Variants in KATNAL2 observed in about 807,000 individuals in gnomAD.
KATNAL2 encodes katanin p60 ATPase-containing subunit A-like 2.
Under a neutral mutation model 76.3 loss-of-function variants are expected in KATNAL2, and 52 were observed. The observed-to-expected ratio is 0.68, with a 90% confidence interval of 0.55 to 0.86. KATNAL2 has a LOEUF of 0.86. Among genes scored for constraint, KATNAL2 ranks in the 40% least tolerant of loss-of-function variants. KATNAL2 has a pLI of 0.00. For synonymous variants in KATNAL2, 243 were observed against 244.2 expected, an observed-to-expected ratio of 1.00 and a Z score of 0.05; for missense variants, 660 against 668.9, an observed-to-expected ratio of 0.99 and a Z score of 0.15.
intron 1 of KATNAL2, among the ~76,000 whole-genome samples, chr18:46,934,124 T>C (rs555280129): frequency 1.6e-4 from 25 of 152,172 alleles, no homozygotes; most frequent in African/African-American, 5.8e-4. Flanking sequence ...GCGTGTGTCT[T>C]TATAGCAGCA....
intron 1 of KATNAL2, among the ~76,000 whole-genome samples, chr18:46,921,376 T>C (rs1489566283): frequency 3.9e-5 from 6 of 152,328 alleles, no homozygotes; most frequent in South Asian, 2.1e-4. Context: ...TCCACCTGCC[T>C]TGGCCTCCCA....
rs1178849033 is a variant in KATNAL2, at chr18:47,040,856, C to T, written c.52-5601C>T. Among the ~76,000 whole-genome samples the T allele has an allele frequency of 3.9e-5, 6 of 152,184 alleles. No individual in the cohort carries two copies. The East Asian group carries it at 5.8e-4, about 15-fold the overall frequency. ...TATGCATTGTACCAGTTTTCTACCA[C>T]GATTATTTTTGTAAATGCAGCTTGG... On this transcript the variant is annotated intron_variant, in intron 3 of 17. Coordinates refer to ENST00000683218, the MANE Select transcript of KATNAL2 (RefSeq NM_001387690.1).
chr18:46,934,086 T>C (rs1302468294), intron 1 of KATNAL2, among the ~76,000 whole-genome samples: 1 of 152,058 alleles, frequency 6.6e-6, no homozygotes, highest in Non-Finnish European at 1.5e-5. Context: ...TTTGCTATTG[T>C]GAATAGTGCC....
At chr18:47,057,438 G>C (rs980147885) in intron 6 of KATNAL2, among the ~76,000 whole-genome samples, 11 of 152,050 alleles carry the variant, frequency 7.2e-5, no homozygotes, top group Non-Finnish European at 1.5e-4. Flanking sequence ...TCTTTCTATG[G>C]ATATATAACA....
At chr18:47,054,845 C>T (rs1479835923) in intron 6 of KATNAL2, among the ~76,000 whole-genome samples, 2 of 152,220 alleles carry the variant, frequency 1.3e-5, no homozygotes, top group African/African-American at 4.8e-5. Flanking sequence ...TAGTTAATTT[C>T]AAGCACTCCC....
At chr18:46,953,633 G>A (rs2059633861) in intron 3 of KATNAL2, among the ~76,000 whole-genome samples, 1 of 152,130 alleles carries the variant, frequency 6.6e-6, no homozygotes, top group Non-Finnish European at 1.5e-5. Context: ...GACAAGTGCT[G>A]GTGGTCTCAG....
chr18:47,035,171 G>A, intron 3 of KATNAL2: 7 of 1,612,238 alleles, frequency 4.3e-6, no homozygotes, highest in Non-Finnish European at 5.9e-6. Flanking sequence ...GAGAGTTTCT[G>A]CAAATATTTC....
intron 7 of KATNAL2, 121 bp downstream of exon 7, chr18:47,058,473 A>G: frequency 1.6e-6 from 1 of 623,258 alleles, no homozygotes; most frequent in Non-Finnish European, 2.9e-6. Context: ...GTGTGATCTA[A>G]TTGAATTTTA....
At chr18:47,031,337 G>T (rs571626509) in intron 3 of KATNAL2, among the ~76,000 whole-genome samples, 47 of 151,944 alleles carry the variant, frequency 3.1e-4, no homozygotes, top group Admixed American at 2.5e-3. Flanking sequence ...AAATATGTAT[G>T]TTTTCGGCTT....
intron 1 of KATNAL2, among the ~76,000 whole-genome samples, chr18:46,928,822 G>A (rs1454550288): frequency 6.6e-6 from 1 of 152,098 alleles, no homozygotes; most frequent in Non-Finnish European, 1.5e-5. Context: ...TTGAGACAGA[G>A]TCTCACTCTG....
At chr18:47,049,475 C>T (rs997621017) in intron 4 of KATNAL2, among the ~76,000 whole-genome samples, 1 of 152,170 alleles carries the variant, frequency 6.6e-6, no homozygotes, top group Admixed American at 6.5e-5. Flanking sequence ...TAAAATACCT[C>T]AAGGTGCTTT....
At chr18:47,061,206 T>C (rs931497328) in intron 8 of KATNAL2, among the ~76,000 whole-genome samples, 4 of 152,224 alleles carry the variant, frequency 2.6e-5, no homozygotes, top group African/African-American at 9.6e-5. Context: ...TATAAAGGAA[T>C]ACCTGAGGCT....
chr18:47,035,257 G>A (rs2060714548), intron 3 of KATNAL2: 2 of 1,612,740 alleles, frequency 1.2e-6, no homozygotes, highest in South Asian at 1.1e-5. Context: ...AGTGGACCCT[G>A]CCGCCATCTC....
At chr18:47,047,439 A>G (rs1163051416) in intron 4 of KATNAL2, among the ~76,000 whole-genome samples, 1 of 152,036 alleles carries the variant, frequency 6.6e-6, no homozygotes, top group Non-Finnish European at 1.5e-5. Flanking sequence ...AACGTATTGC[A>G]TTTACTTGGA....
chr18:46,927,325 A>T (rs2058758940), intron 1 of KATNAL2, among the ~76,000 whole-genome samples: 1 of 152,038 alleles, frequency 6.6e-6, no homozygotes, highest in African/African-American at 2.4e-5. Flanking sequence ...AAAGTATTTT[A>T]TTTCTCCTTC....
At chr18:46,935,039 A>G (rs2059046524) in intron 1 of KATNAL2, among the ~76,000 whole-genome samples, 1 of 152,224 alleles carries the variant, frequency 6.6e-6, no homozygotes, top group African/African-American at 2.4e-5. Context: ...TTAGCAGACC[A>G]TACATGGAAA....
intron 6 of KATNAL2, 85 bp downstream of exon 6, chr18:47,054,523 T>G: frequency 4.6e-6 from 6 of 1,313,518 alleles, no homozygotes; most frequent in African/African-American, 1.5e-5. Context: ...ATCACAGCTC[T>G]GTGACTGTCT....
At chr18:46,956,146 AT>A (rs1264379406) in intron 3 of KATNAL2, among the ~76,000 whole-genome samples, 17 of 152,294 alleles carry the variant, frequency 1.1e-4, no homozygotes, top group African/African-American at 3.8e-4. Context: ...TTCTTTGGAT[AT>A]TGTAGGGTCT....
chr18:46,925,721 T>C (rs1239091245), intron 1 of KATNAL2, among the ~76,000 whole-genome samples: 2 of 152,190 alleles, frequency 1.3e-5, no homozygotes, highest in East Asian at 1.9e-4. Context: ...CCTGGACTTT[T>C]TTTTGGTTGT....
Sources: allele counts gnomAD v4.1 joint callset (sites outside exome capture counted in the v4.1 genomes callset), GRCh38; gene constraint gnomAD v4.1.1; transcripts MANE v1.5; gene names NCBI Gene and HGNC (gene_info 2026-07-23, HGNC 2026-07-21).